Variants in DAAM1 observed in about 807,000 individuals in gnomAD.
DAAM1 encodes the protein dishevelled associated activator of morphogenesis 1, also known as disheveled-associated activator of morphogenesis 1.
DAAM1 carries 52 observed loss-of-function variants against 130.0 expected under a neutral mutation model. The observed-to-expected ratio is 0.40, with a 90% confidence interval of 0.32 to 0.50. The LOEUF is 0.50. Among genes scored for constraint, DAAM1 ranks in the 20% least tolerant of loss-of-function variants. The probability of loss-of-function intolerance (pLI) is 0.61; values close to 1 mark genes in which losing one functional copy is unlikely to be tolerated. For missense variants in DAAM1, 1,134 were observed against 1,303.8 expected (o/e 0.87, Z 2.01); for synonymous variants, 452 against 444.5 (o/e 1.02, Z -0.21).
intron 20 of DAAM1, among the ~76,000 whole-genome samples, chr14:59,356,607 C>T (rs1423072634): frequency 6.6e-6 from 1 of 152,190 alleles, no homozygotes; most frequent in Non-Finnish European, 1.5e-5. Context: ...ATCCACAGCT[C>T]TATTAGCAGC....
In DAAM1 at chr14:59,226,719, T is replaced by C. The variant is rs977448242; in HGVS notation, c.-37-36722T>C. ...CACTAGCATGGGTTAAGCTGCCTTT[T>C]CATTTTTGCTGAAGTAGAAGTTTAG... On this transcript the variant is annotated intron_variant, in intron 1 of 24. Transcript: ENST00000360909. Among the ~76,000 whole-genome samples, 4 of 152,220 alleles carry C rather than the reference T, an allele frequency of 2.6e-5. 1 individual carries two copies. The highest frequency in any genetic ancestry group is 6.3e-3 in the Middle Eastern group (2 of 316).
intron 3 of DAAM1, among the ~76,000 whole-genome samples, chr14:59,292,794 A>C (rs1001677667): frequency 1.3e-5 from 2 of 152,216 alleles, no homozygotes; most frequent in African/African-American, 4.8e-5. Flanking sequence ...TAAAGCCTTA[A>C]GAGTTCTTAA....
At chr14:59,238,986 TG>T (rs1291868584) in intron 1 of DAAM1, among the ~76,000 whole-genome samples, 6 of 152,344 alleles carry the variant, frequency 3.9e-5, no homozygotes, top group African/African-American at 1.2e-4. Flanking sequence ...AGCATGAATT[TG>T]TCCCTGCTCT....
intron 17 of DAAM1, among the ~76,000 whole-genome samples, chr14:59,351,585 C>G (rs1214648831): frequency 6.6e-6 from 1 of 152,144 alleles, no homozygotes; most frequent in Non-Finnish European, 1.5e-5. Flanking sequence ...TCACACAACA[C>G]CTGCCTGTAA....
intron 1 of DAAM1, among the ~76,000 whole-genome samples, chr14:59,208,594 C>A (rs889401172): frequency 6.6e-6 from 1 of 152,196 alleles, no homozygotes; most frequent in African/African-American, 2.4e-5. Context: ...TGCCTTTTGA[C>A]ATCAGAGGGC....
At chr14:59,284,900 A>G (rs571122719) in intron 2 of DAAM1, among the ~76,000 whole-genome samples, 1 of 152,308 alleles carries the variant, frequency 6.6e-6, no homozygotes, top group African/African-American at 2.4e-5. Context: ...GATGTAGTCA[A>G]CGAAAATTTC....
chr14:59,351,136 C>G (rs919371347), intron 17 of DAAM1, among the ~76,000 whole-genome samples: 2 of 152,018 alleles, frequency 1.3e-5, no homozygotes, highest in East Asian at 1.9e-4. Flanking sequence ...GAAGCCCAGG[C>G]GTCATCTTTG....
At position 59,323,042 on chromosome 14, in the gene DAAM1, C is replaced by T. The variant is rs778262988; in HGVS notation, c.591C>T (p.His197=). 1.6e-5 allele frequency: 26 copies of T among 1,613,992 alleles called. No individual in the cohort carries two copies. The highest frequency in any genetic ancestry group is 7.7e-5 in the South Asian group (7 of 91,078). The stretch of plus-strand genomic sequence containing the variant: ...TGAACAACTCTCAAGGCCGGGCTCA[C>T]GTCCTGGCTCATTCTGAGAGTATTA... ...ALMNNSQGRA[H]VLAHSESINV... is the part of the protein sequence containing the mutation. Residue 197 remains histidine (H), a synonymous_variant, in exon 6 of 25, where the codon CAC becomes CAT. Coordinates refer to ENST00000360909, the MANE Select transcript of DAAM1 (RefSeq NM_001270520.2).
chr14:59,236,702 C>T (rs1290728710), intron 1 of DAAM1, among the ~76,000 whole-genome samples: 2 of 152,090 alleles, frequency 1.3e-5, no homozygotes, highest in Non-Finnish European at 2.9e-5. Flanking sequence ...AAACTGTGAC[C>T]TCTGTGATGA....
At chr14:59,361,701 C>T (rs920295427) in intron 22 of DAAM1, among the ~76,000 whole-genome samples, 1 of 152,184 alleles carries the variant, frequency 6.6e-6, no homozygotes, top group Admixed American at 6.5e-5. Flanking sequence ...GATGCAGCTG[C>T]CAGCGAGAGA....
intron 3 of DAAM1, among the ~76,000 whole-genome samples, chr14:59,295,542 T>C (rs1332756305): frequency 6.6e-6 from 1 of 152,190 alleles, no homozygotes; most frequent in Non-Finnish European, 1.5e-5. Flanking sequence ...TAAAGTTGTA[T>C]TGTGTGTGGC....
intron 1 of DAAM1, among the ~76,000 whole-genome samples, chr14:59,214,466 C>G (rs1398087258): frequency 6.6e-6 from 1 of 152,220 alleles, no homozygotes; most frequent in African/African-American, 2.4e-5. Context: ...TCACTTTAGG[C>G]AATAGTTTCA....
chr14:59,367,010 C>T (rs902006598), intron 23 of DAAM1, among the ~76,000 whole-genome samples: 6 of 151,304 alleles, frequency 4.0e-5, no homozygotes, highest in African/African-American at 7.3e-5. Context: ...AAAAAACTGC[C>T]GGGTGTGGTG....
chr14:59,295,544 G>A (rs1397565233), intron 3 of DAAM1, among the ~76,000 whole-genome samples: 2 of 152,202 alleles, frequency 1.3e-5, no homozygotes, highest in African/African-American at 4.8e-5. Context: ...AAGTTGTATT[G>A]TGTGTGGCCA....
At chr14:59,250,954 A>G (rs1161001955) in intron 1 of DAAM1, among the ~76,000 whole-genome samples, 2 of 152,094 alleles carry the variant, frequency 1.3e-5, no homozygotes. Flanking sequence ...TTTCTTTGTA[A>G]CCCTGGGCAT....
chr14:59,302,332 G>A (rs906268790), intron 3 of DAAM1, among the ~76,000 whole-genome samples: 2 of 152,184 alleles, frequency 1.3e-5, no homozygotes, highest in Admixed American at 6.5e-5. Flanking sequence ...AAATAAGTTA[G>A]CAATATACAG....
At position 59,346,041 on chromosome 14, in the gene DAAM1, T is replaced by C. The variant is rs530707207; in HGVS notation, c.2076-1498T>C. ...CTTGCAGAACGTACATATAGTTTAC[T>C]GTGTTCTTTCTATGGCCAGGAACTT... On this transcript the variant is annotated intron_variant, in intron 16 of 24. Coordinates refer to ENST00000360909, the MANE Select transcript of DAAM1 (RefSeq NM_001270520.2). 5.7e-4 allele frequency among the ~76,000 whole-genome samples: 87 copies of C among 151,442 alleles called. 1 individual carries two copies. The highest frequency in any genetic ancestry group is 2.0e-3 in the African/African-American group (85 of 41,470).
intron 1 of DAAM1, among the ~76,000 whole-genome samples, chr14:59,197,095 T>C (rs1304349768): frequency 6.6e-6 from 1 of 152,148 alleles, no homozygotes; most frequent in African/African-American, 2.4e-5. Context: ...TAGTTTTTTG[T>C]ATTTTTAGTA....
intron 17 of DAAM1, among the ~76,000 whole-genome samples, chr14:59,351,280 A>G (rs1053522908): frequency 3.3e-5 from 5 of 152,094 alleles, no homozygotes; most frequent in Admixed American, 6.5e-5. Flanking sequence ...ATTACTTACT[A>G]TACCACTATC....
Sources: allele counts gnomAD v4.1 joint callset (sites outside exome capture counted in the v4.1 genomes callset), GRCh38; gene constraint gnomAD v4.1.1; transcripts MANE v1.5; gene names NCBI Gene and HGNC (gene_info 2026-07-23, HGNC 2026-07-21).